RGS7: variants seen among roughly 807,000 people sequenced by gnomAD.
RGS7 encodes the protein regulator of G protein signaling 7.
A neutral mutation model predicts 81.1 loss-of-function variants in RGS7; 27 were observed. That is an observed-to-expected ratio of 0.33 (90% CI 0.25 to 0.46). The LOEUF is 0.46. Ranked by LOEUF, RGS7 falls within the 20% of genes least tolerant of loss-of-function variation. The pLI, the probability that RGS7 is intolerant of heterozygous loss-of-function variation, is 1.00. For synonymous variants in RGS7, 208 were observed against 207.7 expected (o/e 1.00, Z -0.01); for missense variants, 396 against 607.4 (o/e 0.65, Z 3.66).
intron 9 of RGS7, among the ~76,000 whole-genome samples, chr1:240,844,725 T>C (rs1658747369): frequency 6.6e-6 from 1 of 152,150 alleles, no homozygotes; most frequent in Admixed American, 6.5e-5. Flanking sequence ...TATTTTTCAA[T>C]CCAAAGGAAC....
intron 3 of RGS7, among the ~76,000 whole-genome samples, chr1:241,088,186 A>T (rs1261253999): frequency 6.6e-6 from 1 of 151,704 alleles, no homozygotes; most frequent in Non-Finnish European, 1.5e-5. Flanking sequence ...CAGGGCAGGG[A>T]TAAATCTTCA....
chr1:241,059,724 C>T (rs1335281391), intron 3 of RGS7, among the ~76,000 whole-genome samples: 6 of 150,602 alleles, frequency 4.0e-5, no homozygotes, highest in Non-Finnish European at 7.4e-5. Context: ...ACTCTGCTAC[C>T]TGTGGTTGAT....
chr1:241,268,484 G>T (rs996747588), intron 2 of RGS7, among the ~76,000 whole-genome samples: 2 of 152,218 alleles, frequency 1.3e-5, no homozygotes, highest in African/African-American at 4.8e-5. Context: ...GTTCCCTGGG[G>T]TGGGCTACTG....
At chr1:240,798,935 A>T (rs1423093686) in intron 18 of RGS7, among the ~76,000 whole-genome samples, 1 of 151,952 alleles carries the variant, frequency 6.6e-6, no homozygotes, top group Non-Finnish European at 1.5e-5. Flanking sequence ...TTCCATCTTT[A>T]CTCCAGTAAG....
chr1:241,010,736 T>A (rs1455218690), intron 3 of RGS7, among the ~76,000 whole-genome samples: 1 of 152,198 alleles, frequency 6.6e-6, no homozygotes, highest in Non-Finnish European at 1.5e-5. Flanking sequence ...TCTCAGCCAA[T>A]GCACTAATTT....
At chr1:241,139,068 G>A (rs903836416) in intron 2 of RGS7, among the ~76,000 whole-genome samples, 1 of 152,028 alleles carries the variant, frequency 6.6e-6, no homozygotes, top group South Asian at 2.1e-4. Context: ...ATATGTGTCT[G>A]GTTTCTTTTA....
chr1:240,958,880 A>G (rs1248628826), intron 4 of RGS7, among the ~76,000 whole-genome samples: 2 of 152,128 alleles, frequency 1.3e-5, no homozygotes, highest in Non-Finnish European at 2.9e-5. Context: ...TAAATGCCTG[A>G]TATCTTTTAC....
At position 241,251,931 on chromosome 1, in the gene RGS7, C is replaced by G. The variant is rs75795076; in HGVS notation, c.78+103768G>C. Among the ~76,000 whole-genome samples, 292 of 152,270 alleles carry G rather than the reference C, an allele frequency of 1.9e-3. 3 individuals are homozygous for G. The highest frequency in any genetic ancestry group is 6.7e-3 in the African/African-American group (280 of 41,560). ...TAAAGAGTAAAACAGCCCTCCGCAGCCACACACAGATTTGCATGGTGGGGC... is the reference window on the plus strand; with the variant it reads ...TAAAGAGTAAAACAGCCCTCCGCAGGCACACACAGATTTGCATGGTGGGGC... On this transcript the variant is annotated intron_variant, in intron 2 of 18. Transcript: ENST00000440928.
In RGS7 at chr1:241,071,790, C is replaced by T. The variant is rs558324333; in HGVS notation, c.175+26876G>A. Among the ~76,000 whole-genome samples, 82 of 139,828 alleles carry T rather than the reference C, an allele frequency of 5.9e-4. 1 individual carries two copies. Among genetic ancestry groups the T allele is most frequent in the Admixed American group, 2.2e-3 (28 of 12,770 alleles). 91.7% of individuals were successfully genotyped at this position (139,828 alleles called of 152,430 possible). A position where few individuals can be genotyped will look rare whatever the true frequency, so the allele number is the denominator to read the frequency against. The stretch of plus-strand genomic sequence containing the variant: ...TTGGGAGGCTGAGATGGGAGGATCC[C>T]TTGGGCCCAGGAGTTCAAGGCTGTA... On this transcript the variant is annotated intron_variant, in intron 3 of 18. Coordinates refer to ENST00000440928, the MANE Select transcript of RGS7 (RefSeq NM_001364886.1).
chr1:240,879,083 T>C (rs1460860851), intron 6 of RGS7, among the ~76,000 whole-genome samples: 2 of 152,192 alleles, frequency 1.3e-5, no homozygotes, highest in Non-Finnish European at 2.9e-5. Flanking sequence ...TGTACAAATA[T>C]TCCTACCTTC....
chr1:240,916,274 CAAAAAAAA>C (rs33925153), intron 6 of RGS7, among the ~76,000 whole-genome samples: 1 of 119,092 alleles, frequency 8.4e-6, no homozygotes, highest in Non-Finnish European at 1.8e-5. Flanking sequence ...GAGACACTGT[CAAAAAAAA>C]AAAAAAAAAA....
chr1:240,976,920 C>CT (rs1553373330), intron 4 of RGS7, among the ~76,000 whole-genome samples: 2 of 149,588 alleles, frequency 1.3e-5, no homozygotes, highest in Non-Finnish European at 3.0e-5. Flanking sequence ...ATCTTTCTAT[C>CT]ATCCATCTAT....
At chr1:240,975,169 C>T (rs969457952) in intron 4 of RGS7, among the ~76,000 whole-genome samples, 21 of 152,034 alleles carry the variant, frequency 1.4e-4, no homozygotes, top group African/African-American at 4.8e-4. Flanking sequence ...TTTGGGAGGC[C>T]GAGGCAGGCG....
chr1:241,037,607 T>A (rs536564953), intron 3 of RGS7, among the ~76,000 whole-genome samples: 1 of 151,256 alleles, frequency 6.6e-6, no homozygotes, highest in South Asian at 2.1e-4. Flanking sequence ...TGCAATCCCA[T>A]CTAATTGGGT....
chr1:241,060,470 T>TC (rs1012488913), intron 3 of RGS7, among the ~76,000 whole-genome samples: 2 of 152,030 alleles, frequency 1.3e-5, no homozygotes, highest in East Asian at 1.9e-4. Flanking sequence ...CTTTTTTTTC[T>TC]CCCCCCAACT....
intron 3 of RGS7, among the ~76,000 whole-genome samples, chr1:241,068,223 A>AG (rs2062185101): frequency 1.7e-4 from 1 of 5,990 alleles, no homozygotes; most frequent in African/African-American, 2.5e-4. Context: ...CTATCCATAA[A>AG]TTGTGTGTGT....
intron 2 of RGS7, among the ~76,000 whole-genome samples, chr1:241,255,937 C>T (rs182046418): frequency 7.2e-5 from 11 of 152,110 alleles, no homozygotes; most frequent in East Asian, 1.9e-4. Flanking sequence ...TCTATGTTTC[C>T]GGAAATTTTG....
chr1:241,236,513 T>C (rs2075985181), intron 2 of RGS7, among the ~76,000 whole-genome samples: 1 of 152,204 alleles, frequency 6.6e-6, no homozygotes, highest in Non-Finnish European at 1.5e-5. Context: ...TTTCTTGATT[T>C]TATATTTTTA....
At chr1:241,269,052 T>C (rs927747718) in intron 2 of RGS7, among the ~76,000 whole-genome samples, 4 of 152,252 alleles carry the variant, frequency 2.6e-5, no homozygotes, top group Admixed American at 1.3e-4. Context: ...GTAGTTATTC[T>C]AGAGATTCTG....
Sources: gnomAD v4.1 joint callset for allele counts (sites outside exome capture counted in the v4.1 genomes callset) on GRCh38, gnomAD v4.1.1 for gene constraint, MANE v1.5 for transcripts, NCBI Gene and HGNC (gene_info 2026-07-23, HGNC 2026-07-21) for gene names.